TMC1: variants seen among roughly 807,000 people sequenced by gnomAD.
TMC1 encodes transmembrane channel-like protein 1.
Under a neutral mutation model 105.8 loss-of-function variants are expected in TMC1, and 84 were observed. The observed-to-expected ratio is 0.79, with a 90% CI of 0.67 to 0.95. The LOEUF (loss-of-function observed/expected upper bound fraction) is 0.95. Ranked by LOEUF, TMC1 falls within the 40% of genes least tolerant of loss-of-function variation. The pLI is 0.00. For synonymous variants in TMC1, 315 were observed against 311.5 expected, an observed-to-expected ratio of 1.01 and a Z score of -0.12; for missense variants, 817 against 914.1, an observed-to-expected ratio of 0.89 and a Z score of 1.37.
At chr9:72,833,595 C>T (rs1285725369) in intron 23 of TMC1, among the ~76,000 whole-genome samples, 1 of 152,132 alleles carries the variant, frequency 6.6e-6, no homozygotes, top group African/African-American at 2.4e-5. Context: ...CACATTTTGC[C>T]AGTAAGAAAG....
intron 4 of TMC1, among the ~76,000 whole-genome samples, chr9:72,640,781 G>C (rs546791256): frequency 6.6e-6 from 1 of 151,836 alleles, no homozygotes; most frequent in Non-Finnish European, 1.5e-5. Flanking sequence ...ACAGGCGCCC[G>C]CCACTACGCC....
chr9:72,714,989 G>A (rs554537563), intron 8 of TMC1, among the ~76,000 whole-genome samples: 1 of 152,102 alleles, frequency 6.6e-6, no homozygotes, highest in Non-Finnish European at 1.5e-5. Flanking sequence ...GCATTTCCTT[G>A]TCTGTAAAGG....
rs1168127482 is a variant in TMC1, at chr9:72,805,368, TA to T, written c.1567-12del. The T allele has an allele frequency of 9.9e-6, 16 of 1,613,076 alleles. No individual in the cohort carries two copies. The highest frequency in any genetic ancestry group is 1.4e-5 in the Non-Finnish European group (16 of 1,179,426). On this transcript the variant is annotated splice_polypyrimidine_tract_variant and intron_variant, in intron 17 of 23. Coordinates refer to ENST00000297784, the MANE Select transcript of TMC1 (RefSeq NM_138691.3). ...ACAGAACTGTGTGTTTTAATAGAGA[TA>T]ATATCTCAACAGGAGTTTGTGAGGC...
intron 8 of TMC1, among the ~76,000 whole-genome samples, chr9:72,730,886 A>G (rs931866169): frequency 2.6e-5 from 4 of 152,196 alleles, no homozygotes; most frequent in Non-Finnish European, 4.4e-5. Flanking sequence ...TTGCACCCCT[A>G]TGAAAATCTA....
intron 8 of TMC1, among the ~76,000 whole-genome samples, chr9:72,721,343 C>T (rs931173861): frequency 6.6e-6 from 1 of 152,172 alleles, no homozygotes; most frequent in African/African-American, 2.4e-5. Flanking sequence ...TCCCACAGTT[C>T]TCTGGCCTTT....
chr9:72,690,731 T>C (rs1346368302), intron 6 of TMC1, among the ~76,000 whole-genome samples: 2 of 152,168 alleles, frequency 1.3e-5, no homozygotes, highest in African/African-American at 4.8e-5. Flanking sequence ...GTTGCTTTTC[T>C]GTTTCTTTCA....
At chr9:72,764,135 G>A (rs1827795740) in intron 12 of TMC1, among the ~76,000 whole-genome samples, 1 of 152,156 alleles carries the variant, frequency 6.6e-6, no homozygotes, top group Non-Finnish European at 1.5e-5. Context: ...AGTAGATTAT[G>A]TAAATCTACA....
chr9:72,749,966 G>A (rs751448623), intron 10 of TMC1, among the ~76,000 whole-genome samples: 1 of 152,068 alleles, frequency 6.6e-6, no homozygotes, highest in Non-Finnish European at 1.5e-5. Context: ...AATTAGCCAG[G>A]TGTGGTGGTG....
At chr9:72,576,428 G>A (rs1042677467) in intron 1 of TMC1, among the ~76,000 whole-genome samples, 8 of 148,184 alleles carry the variant, frequency 5.4e-5, no homozygotes, top group African/African-American at 1.3e-4. Flanking sequence ...CTATCTTCTC[G>A]AACCTTCCCT....
intron 5 of TMC1, chr9:72,655,959 TC>T: frequency 1.2e-6 from 1 of 811,232 alleles, no homozygotes; most frequent in Non-Finnish European, 2.2e-6. Context: ...CTGGAAATGA[TC>T]CCATGGCTTA....
At chr9:72,761,304 G>C (rs1827752033) in intron 12 of TMC1, among the ~76,000 whole-genome samples, 1 of 152,180 alleles carries the variant, frequency 6.6e-6, no homozygotes, top group Non-Finnish European at 1.5e-5. Flanking sequence ...TAATATTCTT[G>C]TGAGGAGAAA....
chr9:72,735,283 A>G (rs1827278869), intron 8 of TMC1, among the ~76,000 whole-genome samples: 1 of 152,198 alleles, frequency 6.6e-6, no homozygotes, highest in Non-Finnish European at 1.5e-5. Context: ...TGTTTCAGTC[A>G]GACATTTGGA....
intron 13 of TMC1, among the ~76,000 whole-genome samples, chr9:72,777,502 G>A (rs1430195876): frequency 6.6e-6 from 1 of 152,082 alleles, no homozygotes; most frequent in African/African-American, 2.4e-5. Flanking sequence ...TGGCCTACAG[G>A]GCATGATATT....
At chr9:72,825,219 C>A (rs977471875) in intron 20 of TMC1, among the ~76,000 whole-genome samples, 1 of 152,152 alleles carries the variant, frequency 6.6e-6, no homozygotes, top group African/African-American at 2.4e-5. Context: ...ATGCATTAAG[C>A]ATTGATTCTG....
intron 7 of TMC1, among the ~76,000 whole-genome samples, chr9:72,698,856 A>T (rs949724124): frequency 4.6e-5 from 7 of 152,158 alleles, no homozygotes; most frequent in Non-Finnish European, 7.3e-5. Context: ...GGTGATAAGG[A>T]TTCACTTGCA....
chr9:72,781,460 C>G lies in TMC1; in HGVS notation c.885-6879C>G, dbSNP rs574976700. Among the ~76,000 whole-genome samples the G allele has an allele frequency of 9.9e-5, 15 of 151,914 alleles. No individual in the cohort carries two copies. The South Asian group carries it at 3.1e-3, about 32-fold the overall frequency. On this transcript the variant is annotated intron_variant, in intron 13 of 23. Coordinates refer to ENST00000297784, the MANE Select transcript of TMC1 (RefSeq NM_138691.3). ...AAGCTAGCAGAAGATAAGAAATAAC[C>G]AAAATCAGACCTGAACTGAATGAAA...
At chr9:72,652,541 T>TA (rs1221397883) in intron 5 of TMC1, among the ~76,000 whole-genome samples, 1 of 152,128 alleles carries the variant, frequency 6.6e-6, no homozygotes, top group Non-Finnish European at 1.5e-5. Context: ...AGTAGACAGT[T>TA]ACCAGAGGGA....
chr9:72,565,310 T>G (rs1168091244), intron 1 of TMC1, among the ~76,000 whole-genome samples: 1 of 152,102 alleles, frequency 6.6e-6, no homozygotes, highest in Non-Finnish European at 1.5e-5. Flanking sequence ...TAAGGACAAA[T>G]AGTATCACAG....
At chr9:72,591,201 G>A (rs1418580661) in intron 2 of TMC1, among the ~76,000 whole-genome samples, 1 of 152,180 alleles carries the variant, frequency 6.6e-6, no homozygotes, top group African/African-American at 2.4e-5. Context: ...TGAATTTTAA[G>A]TAGAGGTGGC....
Sources: allele counts gnomAD v4.1 joint callset (sites outside exome capture counted in the v4.1 genomes callset), GRCh38; gene constraint gnomAD v4.1.1; transcripts MANE v1.5; gene names NCBI Gene and HGNC (gene_info 2026-07-23, HGNC 2026-07-21).